RPS6KB2: variants seen among roughly 807,000 people sequenced by gnomAD.
The protein encoded by RPS6KB2 is ribosomal protein S6 kinase B2.
In RPS6KB2, 51 loss-of-function variants were observed where a neutral mutation model predicts 58.2. That is an observed-to-expected ratio of 0.88 (90% CI 0.70 to 1.11). RPS6KB2 has a LOEUF of 1.11. RPS6KB2 is among the 50% of genes least tolerant of loss of function. The pLI, the probability that RPS6KB2 is intolerant of heterozygous loss-of-function variation, is 0.00. For synonymous variants in RPS6KB2, 293 were observed against 258.6 expected, an observed-to-expected ratio of 1.13 and a Z score of -1.28; for missense variants, 671 against 655.8, an observed-to-expected ratio of 1.02 and a Z score of -0.25.
In RPS6KB2 at chr11:67,434,268, CCT is replaced by C. The variant is rs1565148555; in HGVS notation, c.1041_1042del (p.Cys348SerfsTer11). ...TGGCGTGTGGACCCCCCTTTCAGGCCCTGTCTGGTGAGCAGCAGGGCTGGTGG... is the reference window on the plus strand; with the variant it reads ...TGGCGTGTGGACCCCCCTTTCAGGCCGTCTGGTGAGCAGCAGGGCTGGTGG... On this transcript the variant is annotated frameshift_variant, in exon 12 of 15. Coordinates refer to ENST00000312629, the MANE Select transcript of RPS6KB2 (RefSeq NM_003952.3). LOFTEE classifies it high-confidence loss of function. 6.8e-6 allele frequency: 11 copies of C among 1,613,418 alleles called. No homozygotes were observed. The South Asian group carries it at 1.2e-4, about 18-fold the overall frequency.
At chr11:67,430,585 C>A (rs1469173634) in intron 4 of RPS6KB2, 1 of 152,188 alleles carries the variant, frequency 6.6e-6, no homozygotes, top group Non-Finnish European at 1.5e-5. Flanking sequence ...CCATGAACCA[C>A]CGTGCCTGGC....
Position 67,434,663 on chromosome 11 carries a change from C to A in RPS6KB2, c.1237C>A (p.Arg413Ser). ...SFQPKLRSPR[R>S]LNSSPRAPVS... is the part of the protein sequence containing the mutation. Reference sequence around the variant, plus strand: ...CCAGCCCAAGCTGCGCTCACCCAGGCGCCTCAACAGTAGCCCCCGGGCCCC... The same window carrying A: ...CCAGCCCAAGCTGCGCTCACCCAGGAGCCTCAACAGTAGCCCCCGGGCCCC... The change falls in exon 14 of 15, where the codon CGC becomes AGC. Residue 413 changes from arginine to serine, a missense_variant. Transcript: ENST00000312629. The A allele has an allele frequency of 6.2e-7, 1 of 1,610,254 alleles. No homozygotes were observed. The highest frequency in any genetic ancestry group is 8.5e-7 in the Non-Finnish European group (1 of 1,179,088).
At position 67,431,986 on chromosome 11, in the gene RPS6KB2, C is replaced by T. The variant is rs557427393; in HGVS notation, c.457+471C>T. ...CACCTGCTTTCTAGTGTCTCCTCTG[C>T]CGACTGCTGAGGTCATAGAGCCTGG... On this transcript the variant is annotated intron_variant, in intron 5 of 14. Coordinates refer to ENST00000312629, the MANE Select transcript of RPS6KB2 (RefSeq NM_003952.3). 7.8e-4 allele frequency: 216 copies of T among 277,426 alleles called. 2 individuals carry two copies. The highest frequency in any genetic ancestry group is 3.2e-4 in the Non-Finnish European group (45 of 140,888). The allele number at this position is 277,426 out of a possible 1,614,324, so 17.2% of individuals were successfully genotyped here.
At chr11:67,429,063 G>C in intron 2 of RPS6KB2, 41 bp downstream of exon 2, 3 of 1,613,630 alleles carry the variant, frequency 1.9e-6, no homozygotes, top group Non-Finnish European at 2.5e-6. Context: ...AATGGAGTGG[G>C]GAAGGGGAAC....
At position 67,433,851 on chromosome 11, in the gene RPS6KB2, A is replaced by T. The variant is rs1864137683; in HGVS notation, c.907-144A>T. The T allele has an allele frequency of 4.5e-6, 4 of 893,568 alleles. No individual in the cohort carries two copies. The East Asian group carries it at 1.1e-4, about 23-fold the overall frequency. 55.4% of individuals were successfully genotyped at this position (893,568 alleles called of 1,614,324 possible). ...GTGGCTCCATTGACCAAACCTTGAA[A>T]GCCCTGAGGGTATCCATAGGTGGGA... On this transcript the variant is annotated intron_variant, in intron 10 of 14. Coordinates refer to ENST00000312629, the MANE Select transcript of RPS6KB2 (RefSeq NM_003952.3).
rs1440271575 is a variant in RPS6KB2, at chr11:67,429,598, G to A, written c.309+3G>A. 1.2e-6 allele frequency: 2 copies of A among 1,608,914 alleles called. No homozygotes were observed. The highest frequency in any genetic ancestry group is 2.2e-5 in the East Asian group (1 of 44,754). ...ATGCCATGAAAGTCCTAAGGAAGGT[G>A]AGTCACTCGTTCAGCCAACGAATAC... On this transcript the variant is annotated splice_donor_region_variant and intron_variant, in intron 4 of 14. Transcript: ENST00000312629.
At position 67,434,971 on chromosome 11, in the gene RPS6KB2, C is replaced by A; in HGVS notation, c.1269-18C>A. The stretch of plus-strand genomic sequence containing the variant: ...CAGGGCCTAGGAGGCTCTTATTCTG[C>A]CTTGGTTTCCCCTGCAGCCCCCTCA... On this transcript the variant is annotated intron_variant, in intron 14 of 14. Coordinates refer to ENST00000312629, the MANE Select transcript of RPS6KB2 (RefSeq NM_003952.3). The A allele has an allele frequency of 1.2e-6, 2 of 1,611,602 alleles. No homozygotes were observed. Among genetic ancestry groups the A allele is most frequent in the Non-Finnish European group, 1.7e-6 (2 of 1,178,298 alleles).
In RPS6KB2 at chr11:67,431,421, C is replaced by T. The variant is rs1246654057; in HGVS notation, c.363C>T (p.Asn121=). ...CAGCACACACACGGGCTGAGCGGAA[C>T]ATTCTAGAGTCAGTGAAGCACCCCT... ...KDTAHTRAER[N]ILESVKHPFI... The change falls in exon 5 of 15, where the codon AAC becomes AAT. Residue 121 remains asparagine (N), a synonymous_variant. Coordinates refer to ENST00000312629, the MANE Select transcript of RPS6KB2 (RefSeq NM_003952.3). 1.2e-6 allele frequency: 2 copies of T among 1,614,140 alleles called. No individual in the cohort carries two copies. Among genetic ancestry groups the T allele is most frequent in the Non-Finnish European group, 1.7e-6 (2 of 1,180,018 alleles).
Position 67,435,278 on chromosome 11 carries a change from TGTGA to T in RPS6KB2, c.*113_*116del. The T allele has an allele frequency of 9.8e-7, 1 of 1,021,798 alleles. No individual in the cohort carries two copies. The highest frequency in any genetic ancestry group is 1.4e-6 in the Non-Finnish European group (1 of 723,098). 63.3% of individuals were successfully genotyped at this position (1,021,798 alleles called of 1,614,324 possible). On this transcript the variant is annotated 3_prime_UTR_variant, in exon 15 of 15. Transcript: ENST00000312629. ...CCTGGGGGTGTGTCTGGGGGTGGGG[TGTGA>T]GTGCGTATGAAAGTGTGTGTCTGCT...
In RPS6KB2 at chr11:67,435,078, C is replaced by G; in HGVS notation, c.1358C>G (p.Pro453Arg). The G allele has an allele frequency of 1.2e-6, 2 of 1,611,154 alleles. No individual in the cohort carries two copies. Among genetic ancestry groups the G allele is most frequent in the Non-Finnish European group, 1.7e-6 (2 of 1,179,394 alleles). Reference protein sequence around the residue: ...TELPLPPLLPPPPPSTTAPLP... With the variant: ...TELPLPPLLPRPPPSTTAPLP... ...CTACCTCTACCTCCACTCCTGCCAC[C>G]GCCGCCGCCCTCGACCACCGCCCCT... The change falls in exon 15 of 15, where the codon CCG becomes CGG. Residue 453 changes from proline (P) to arginine (R), a missense_variant. Pro to Arg is a moderately radical substitution (Grantham distance 103, BLOSUM62 -2). Coordinates refer to ENST00000312629, the MANE Select transcript of RPS6KB2 (RefSeq NM_003952.3).
rs1182969216 is a variant in RPS6KB2, at chr11:67,435,010, T to A, written c.1290T>A (p.Phe430Leu). The A allele has an allele frequency of 6.2e-7, 1 of 1,613,602 alleles. No homozygotes were observed. The highest frequency in any genetic ancestry group is 2.2e-5 in the East Asian group (1 of 44,874). Residue 430 changes from phenylalanine (F) to leucine (L), a missense_variant, in exon 15 of 15, where the codon TTT (phenylalanine) becomes TTA (leucine). Transcript: ENST00000312629. ...GCAGCCCCCTCAAGTTCTCCCCTTTTGAGGGGTTTCGGCCCAGCCCCAGCC... is the reference window on the plus strand; with the variant it reads ...GCAGCCCCCTCAAGTTCTCCCCTTTAGAGGGGTTTCGGCCCAGCCCCAGCC... ...APVSPLKFSP[F>L]EGFRPSPSLP...
chr11:67,434,039 G>T lies in RPS6KB2; in HGVS notation c.951G>T (p.Gly317=). ...NPSQRIGGGP[G]DAADVQRHPF... Reference sequence around the variant, plus strand: ...GCCAGCGGATTGGGGGTGGCCCAGGGGATGCTGCTGATGTGCAGGTGGGTT... The same window carrying T: ...GCCAGCGGATTGGGGGTGGCCCAGGTGATGCTGCTGATGTGCAGGTGGGTT... Residue 317 remains glycine, a synonymous_variant, in exon 11 of 15, where the codon GGG becomes GGT. Coordinates refer to ENST00000312629, the MANE Select transcript of RPS6KB2 (RefSeq NM_003952.3). 1 of 1,614,144 alleles carries T rather than the reference G, an allele frequency of 6.2e-7. No homozygotes were observed. The highest frequency in any genetic ancestry group is 1.1e-5 in the South Asian group (1 of 91,088).
Position 67,432,651 on chromosome 11 carries a change from C to CG in RPS6KB2, c.511dup (p.Ala171GlyfsTer7). 1 of 1,614,094 alleles carries CG rather than the reference C, an allele frequency of 6.2e-7. No individual in the cohort carries two copies. Among genetic ancestry groups the CG allele is most frequent in the South Asian group, 1.1e-5 (1 of 91,084 alleles). ...CGAGAGGGCATCTTCCTGGAAGATA[C>CG]GGCCTGGTGGGTGTTAATCCTCCGC... On this transcript the variant is annotated frameshift_variant, in exon 6 of 15. Coordinates refer to ENST00000312629, the MANE Select transcript of RPS6KB2 (RefSeq NM_003952.3). LOFTEE classifies it high-confidence loss of function.
Position 67,434,294 on chromosome 11 carries a change from G to A in RPS6KB2, c.1047+19G>A, listed in dbSNP as rs1365893164. On this transcript the variant is annotated intron_variant, in intron 12 of 14. Coordinates refer to ENST00000312629, the MANE Select transcript of RPS6KB2 (RefSeq NM_003952.3). Reference sequence around the variant, plus strand: ...CTGTCTGGTGAGCAGCAGGGCTGGTGGCCAGTGGCCGGTGGCGGGTGGCAA... The same window carrying A: ...CTGTCTGGTGAGCAGCAGGGCTGGTAGCCAGTGGCCGGTGGCGGGTGGCAA... 2 of 1,612,660 alleles carry A rather than the reference G, an allele frequency of 1.2e-6. No homozygotes were observed. Among genetic ancestry groups the A allele is most frequent in the East Asian group, 4.5e-5 (2 of 44,892 alleles).
intron 1 of RPS6KB2, 38 bp downstream of exon 1, chr11:67,428,661 C>G (rs1257642032): frequency 1.9e-6 from 3 of 1,568,446 alleles, no homozygotes; most frequent in Non-Finnish European, 2.6e-6. Flanking sequence ...ATCCTGGAGC[C>G]GATCCTGTCA....
rs1224864216 is a variant in RPS6KB2 at position 67,434,175 on chromosome 11, T to C, written c.970-23T>C. 3.1e-6 allele frequency: 5 copies of C among 1,613,714 alleles called. No homozygotes were observed. The South Asian group carries it at 5.5e-5, about 18-fold the overall frequency. ...GCAAGCAGGGTGAGCTGTTAGTGGGTTTGGTGCATTCTCTACCTACAGAGA... is the reference window on the plus strand; with the variant it reads ...GCAAGCAGGGTGAGCTGTTAGTGGGCTTGGTGCATTCTCTACCTACAGAGA... On this transcript the variant is annotated intron_variant, in intron 11 of 14. Transcript: ENST00000312629.
intron 2 of RPS6KB2, 47 bp from the exon 3 acceptor site, chr11:67,429,073 C>T (rs917570): frequency 0.027 from 44,135 of 1,613,086 alleles, 741 homozygotes; most frequent in Non-Finnish European, 0.032. Flanking sequence ...GGAAGGGGAA[C>T]TGGGGAGCAC....
At position 67,433,336 on chromosome 11, in the gene RPS6KB2, C is replaced by A. The variant is rs79886599; in HGVS notation, c.799-4C>A. 363 of 1,613,224 alleles carry A rather than the reference C, an allele frequency of 2.3e-4. 1 individual carries two copies. In the East Asian group the frequency reaches 7.4e-3, roughly 33 times the overall value. ...AGGCTCCTCTCACCTTCCTCCTCCT[C>A]CAGCCGCCCTTCACCGCAGAGAACC... is the stretch of plus-strand genomic sequence containing the variant. On this transcript the variant is annotated splice_region_variant and splice_polypyrimidine_tract_variant and intron_variant, in intron 9 of 14. Transcript: ENST00000312629.
intron 8 of RPS6KB2, 25 bp from the exon 9 acceptor site, chr11:67,433,101 A>C (rs1864095441): frequency 1.2e-6 from 2 of 1,606,066 alleles, no homozygotes; most frequent in South Asian, 2.2e-5. Flanking sequence ...GCACGGCCTG[A>C]CTGACAGTTC....
Sources: gnomAD v4.1 joint callset for allele counts on GRCh38, gnomAD v4.1.1 for gene constraint, MANE v1.5 for transcripts, NCBI Gene and HGNC (gene_info 2026-07-23, HGNC 2026-07-21) for gene names.